Variants in MAGI1 observed in about 807,000 individuals in gnomAD.
MAGI1 encodes membrane-associated guanylate kinase, WW and PDZ domain-containing protein 1.
Under a neutral mutation model 139.9 loss-of-function variants are expected in MAGI1, and 58 were observed. That is an observed-to-expected ratio of 0.41 (90% CI 0.34 to 0.52). The LOEUF (loss-of-function observed/expected upper bound fraction) is 0.52. Among genes scored for constraint, MAGI1 ranks in the 20% least tolerant of loss-of-function variants. The pLI is 0.12. For missense variants in MAGI1, 1,874 were observed against 1,901.6 expected, an observed-to-expected ratio of 0.99 and a Z score of 0.27; for synonymous variants, 812 against 737.9, an observed-to-expected ratio of 1.10 and a Z score of -1.63.
At chr3:65,590,757 G>A (rs760230355) in intron 2 of MAGI1, among the ~76,000 whole-genome samples, 66 of 152,104 alleles carry the variant, frequency 4.3e-4, no homozygotes, top group Non-Finnish European at 6.2e-4. Flanking sequence ...TCACAGGACA[G>A]GATAAATTCC....
At chr3:65,456,789 T>C (rs1030990272) in intron 5 of MAGI1, among the ~76,000 whole-genome samples, 2 of 152,168 alleles carry the variant, frequency 1.3e-5, no homozygotes, top group Admixed American at 6.5e-5. Context: ...CTGCCCTCCA[T>C]TGGAATGCTT....
chr3:65,730,392 A>G (rs565563612), intron 1 of MAGI1, among the ~76,000 whole-genome samples: 21 of 152,332 alleles, frequency 1.4e-4, no homozygotes, highest in Admixed American at 3.3e-4. Context: ...TCCAAGCAAC[A>G]TATCCTCATT....
At chr3:65,723,154 A>C (rs1456722071) in intron 1 of MAGI1, among the ~76,000 whole-genome samples, 1 of 152,194 alleles carries the variant, frequency 6.6e-6, no homozygotes, top group Non-Finnish European at 1.5e-5. Context: ...GCCAGTGCTC[A>C]ACAAAACCTA....
At chr3:65,442,507 T>A (rs1378585764) in intron 8 of MAGI1, among the ~76,000 whole-genome samples, 1 of 145,186 alleles carries the variant, frequency 6.9e-6, no homozygotes, top group Admixed American at 7.0e-5. Flanking sequence ...ATTCAACTAA[T>A]ACTCATTAAG....
At chr3:66,002,170 C>T (rs2066777491) in intron 1 of MAGI1, among the ~76,000 whole-genome samples, 1 of 152,140 alleles carries the variant, frequency 6.6e-6, no homozygotes, top group Admixed American at 6.5e-5. Flanking sequence ...CAATATTTAG[C>T]TTAGAAATAA....
chr3:65,401,787 T>C, intron 12 of MAGI1: 1 of 1,359,738 alleles, frequency 7.4e-7, no homozygotes, highest in Non-Finnish European at 9.5e-7. Flanking sequence ...TCTCAAATGC[T>C]CTTCTGGATT....
chr3:65,782,717 G>A (rs1048527338), intron 1 of MAGI1, among the ~76,000 whole-genome samples: 5 of 145,592 alleles, frequency 3.4e-5, no homozygotes, highest in African/African-American at 1.3e-4. Context: ...GTTTAGTCAA[G>A]TTGATTTGTT....
intron 1 of MAGI1, among the ~76,000 whole-genome samples, chr3:65,746,277 G>A (rs2035700260): frequency 1.3e-5 from 2 of 152,016 alleles, no homozygotes; most frequent in Non-Finnish European, 2.9e-5. Context: ...CTTGTGATCT[G>A]CCTGCCTTGG....
At chr3:65,860,604 T>C (rs1431277414) in intron 1 of MAGI1, among the ~76,000 whole-genome samples, 4 of 152,182 alleles carry the variant, frequency 2.6e-5, no homozygotes, top group Non-Finnish European at 5.9e-5. Context: ...GCCATGGTAA[T>C]GGCATGCTCA....
chr3:65,478,856 T>A (rs1951066081), intron 3 of MAGI1, 58 bp from the exon 4 acceptor site: 6 of 1,344,508 alleles, frequency 4.5e-6, no homozygotes, highest in Admixed American at 1.7e-5. Context: ...TGTTTTTTTT[T>A]AAGACTTCAC....
intron 2 of MAGI1, among the ~76,000 whole-genome samples, chr3:65,537,188 T>C (rs1174580725): frequency 2.0e-5 from 3 of 152,152 alleles, no homozygotes; most frequent in Non-Finnish European, 4.4e-5. Context: ...CTATACACTG[T>C]CCGTGAATAG....
At chr3:65,785,141 A>C (rs541165657) in intron 1 of MAGI1, among the ~76,000 whole-genome samples, 28 of 152,340 alleles carry the variant, frequency 1.8e-4, no homozygotes, top group African/African-American at 6.0e-4. Context: ...CGCTATTTAA[A>C]ATGTGATTTA....
chr3:65,382,133 C>G (rs1380904338), intron 15 of MAGI1, 64 bp from the exon 16 acceptor site: 4 of 1,306,424 alleles, frequency 3.1e-6, no homozygotes, highest in East Asian at 2.3e-5. Flanking sequence ...CATCAATAGC[C>G]TTCACATCTC....
chr3:65,631,899 C>G (rs964324513), intron 1 of MAGI1, among the ~76,000 whole-genome samples: 1 of 151,984 alleles, frequency 6.6e-6, no homozygotes, highest in Non-Finnish European at 1.5e-5. Context: ...GTGGCAGGCA[C>G]CTGTAATCCC....
At chr3:65,974,626 G>C (rs1328611808) in intron 1 of MAGI1, among the ~76,000 whole-genome samples, 1 of 152,072 alleles carries the variant, frequency 6.6e-6, no homozygotes, top group Non-Finnish European at 1.5e-5. Flanking sequence ...CAGTGTTAGT[G>C]GGGCTGCAGT....
intron 1 of MAGI1, among the ~76,000 whole-genome samples, chr3:65,724,301 G>T (rs2033374183): frequency 6.6e-6 from 1 of 152,320 alleles, no homozygotes; most frequent in Admixed American, 6.5e-5. Flanking sequence ...TCATCTCTCA[G>T]GTTTTTGTCA....
intron 1 of MAGI1, among the ~76,000 whole-genome samples, chr3:65,783,044 A>C (rs1178044413): frequency 6.6e-6 from 1 of 152,166 alleles, no homozygotes; most frequent in Non-Finnish European, 1.5e-5. Flanking sequence ...GGATGACATC[A>C]AAATGAAAAA....
rs1950483912 is a variant in MAGI1, at chr3:65,470,355, TCTG to T, written c.884_886del (p.Ala295del). The T allele has an allele frequency of 1.9e-6, 3 of 1,613,924 alleles. No individual in the cohort carries two copies. Among genetic ancestry groups the T allele is most frequent in the Non-Finnish European group, 2.5e-6 (3 of 1,179,858 alleles). ...TTCAGGTAGAGGACCTAAATTATCC[TCTG>T]CAGAAAGAGGTAGGTATTGAGGGAA... On this transcript the variant is annotated inframe_deletion, in exon 5 of 23. Coordinates refer to ENST00000402939, the MANE Select transcript of MAGI1 (RefSeq NM_001033057.2).
At chr3:65,718,043 A>G (rs1393866391) in intron 1 of MAGI1, among the ~76,000 whole-genome samples, 4 of 152,164 alleles carry the variant, frequency 2.6e-5, no homozygotes, top group Non-Finnish European at 4.4e-5. Flanking sequence ...ATTCTATAAC[A>G]TCTTCCATGC....
Sources: gnomAD v4.1 joint callset for allele counts (sites outside exome capture counted in the v4.1 genomes callset) on GRCh38, gnomAD v4.1.1 for gene constraint, MANE v1.5 for transcripts, NCBI Gene and HGNC (gene_info 2026-07-23, HGNC 2026-07-21) for gene names.